The following EED variants were observed in gnomAD, a reference collection of about 807,000 sequenced individuals.
EED encodes polycomb protein EED.
A neutral mutation model predicts 61.0 loss-of-function variants in EED; 9 were observed. The ratio of observed to expected loss-of-function variants is 0.15; its 90% CI spans 0.09 to 0.26. EED has a LOEUF of 0.26. Among genes scored for constraint, EED ranks in the 10% least tolerant of loss-of-function variants. The pLI is 1.00. For missense variants in EED, 315 were observed against 542.3 expected, an observed-to-expected ratio of 0.58 and a Z score of 4.16; for synonymous variants, 187 against 174.4, an observed-to-expected ratio of 1.07 and a Z score of -0.57.
At chr11:86,246,113 T>C (rs1362276216) in intron 1 of EED, among the ~76,000 whole-genome samples, 1 of 152,218 alleles carries the variant, frequency 6.6e-6, no homozygotes, top group Non-Finnish European at 1.5e-5. Context: ...TGCAATCAGA[T>C]TTTTTTAAGC....
intron 10 of EED, chr11:86,277,379 G>T: frequency 3.1e-6 from 1 of 324,344 alleles, no homozygotes; most frequent in Admixed American, 4.6e-5. Context: ...GGTATCAATG[G>T]TGGAAATTAG....
chr11:86,262,668 A>T (rs1945863953), intron 6 of EED, among the ~76,000 whole-genome samples: 1 of 151,392 alleles, frequency 6.6e-6, no homozygotes, highest in African/African-American at 2.4e-5. Context: ...ATGCCACCAC[A>T]CCCCGCTAGT....
In EED at chr11:86,269,017, T is replaced by C. The variant is rs181064946; in HGVS notation, c.966+456T>C. ...ATTTATACAGATGCTCCTCAACTTATGATGGGATTACATCGTGATAAACCC... is the reference window on the plus strand; with the variant it reads ...ATTTATACAGATGCTCCTCAACTTACGATGGGATTACATCGTGATAAACCC... On this transcript the variant is annotated intron_variant, in intron 9 of 11. Transcript: ENST00000263360. Among the ~76,000 whole-genome samples the C allele has an allele frequency of 1.1e-4, 16 of 152,300 alleles. No homozygotes were observed. The East Asian group carries it at 1.5e-3, about 15-fold the overall frequency.
intron 3 of EED, among the ~76,000 whole-genome samples, chr11:86,253,353 G>C (rs1945583839): frequency 6.6e-6 from 1 of 152,122 alleles, no homozygotes; most frequent in African/African-American, 2.4e-5. Context: ...TTAAATTTGA[G>C]TCCACTTTTA....
At chr11:86,270,503 A>T (rs1297860574) in intron 9 of EED, among the ~76,000 whole-genome samples, 3 of 152,004 alleles carry the variant, frequency 2.0e-5, no homozygotes, top group Non-Finnish European at 4.4e-5. Flanking sequence ...CACAGAGCAA[A>T]TGTTTGTAGT....
chr11:86,286,232 G>A, the EED span, among the ~76,000 whole-genome samples: 2 of 151,688 alleles, frequency 1.3e-5, no homozygotes, highest in African/African-American at 4.8e-5. Context: ...GTAGAGACGG[G>A]GTTTCGCCAT....
At chr11:86,275,439 T>A (rs977330365) in intron 9 of EED, among the ~76,000 whole-genome samples, 1 of 152,202 alleles carries the variant, frequency 6.6e-6, no homozygotes, top group Admixed American at 6.5e-5. Context: ...GAAAAATAGA[T>A]TTCCTAGACC....
chr11:86,249,623 TTTAA>T (rs1468840389), intron 1 of EED, among the ~76,000 whole-genome samples: 4 of 152,208 alleles, frequency 2.6e-5, no homozygotes, highest in Admixed American at 6.5e-5. Context: ...AAGGATTTAC[TTTAA>T]TTGTGATTGA....
chr11:86,256,749 C>T (rs1046329368), intron 5 of EED, among the ~76,000 whole-genome samples: 1 of 152,042 alleles, frequency 6.6e-6, no homozygotes, highest in African/African-American at 2.4e-5. Flanking sequence ...AAATCATTTC[C>T]CTCTTTCACC....
downstream of EED, among the ~76,000 whole-genome samples, chr11:86,279,931 A>T (rs1946304072): frequency 6.6e-6 from 1 of 152,218 alleles, no homozygotes; most frequent in South Asian, 2.1e-4. Flanking sequence ...AAGACAAGGA[A>T]TACTGTCATA....
chr11:86,253,978 G>A (rs1945599639), intron 3 of EED, among the ~76,000 whole-genome samples: 1 of 145,988 alleles, frequency 6.8e-6, no homozygotes, highest in Admixed American at 7.0e-5. Flanking sequence ...AATCCGGGAG[G>A]CAGAGGTTGC....
chr11:86,248,430 G>A (rs1373650579), intron 1 of EED, among the ~76,000 whole-genome samples: 10 of 152,258 alleles, frequency 6.6e-5, no homozygotes, highest in Admixed American at 6.5e-4. Context: ...ATATAAAAAC[G>A]TCTTAGAGTT....
the EED span, among the ~76,000 whole-genome samples, chr11:86,285,546 T>G: frequency 6.6e-6 from 1 of 152,262 alleles, no homozygotes; most frequent in Non-Finnish European, 1.5e-5. Flanking sequence ...CCATTCTAAG[T>G]AAAGTAAAAT....
chr11:86,286,238 G>A, the EED span, among the ~76,000 whole-genome samples: 1 of 149,500 alleles, frequency 6.7e-6, no homozygotes, highest in Non-Finnish European at 1.5e-5. Flanking sequence ...ACGGGGTTTC[G>A]CCATGTTGGC....
At chr11:86,286,971 CAAAAAA>C in the EED span, among the ~76,000 whole-genome samples, 4 of 68,340 alleles carry the variant, frequency 5.9e-5, no homozygotes, top group South Asian at 6.6e-4. Flanking sequence ...GACTCCGTCT[CAAAAAA>C]AAAAAAAAAA....
chr11:86,270,121 G>GAGAT, intron 9 of EED: 5 of 700,946 alleles, frequency 7.1e-6, no homozygotes, highest in Non-Finnish European at 1.3e-5. Flanking sequence ...AGCAATGTAT[G>GAGAT]AGAGATCCAG....
Position 86,264,080 on chromosome 11 carries a change from AC to A in EED, c.635-91del. 3 of 958,862 alleles carry A rather than the reference AC, an allele frequency of 3.1e-6. No homozygotes were observed. In the South Asian group the frequency reaches 4.5e-5, roughly 14 times the overall value. 59.4% of individuals were successfully genotyped at this position (958,862 alleles called of 1,614,324 possible). A position where few individuals can be genotyped will look rare whatever the true frequency, so the allele number is the denominator to read the frequency against. The stretch of plus-strand genomic sequence containing the variant: ...TTTTAGGCTTTACTGTGCATAACTT[AC>A]ATCTAGACTTTAGTAGTTTTTCTTT... On this transcript the variant is annotated intron_variant, in intron 6 of 11. Coordinates refer to ENST00000263360, the MANE Select transcript of EED (RefSeq NM_003797.5).
intron 8 of EED, 49 bp downstream of exon 8, chr11:86,266,265 A>G (rs1021790756): frequency 7.5e-6 from 11 of 1,474,090 alleles, no homozygotes; most frequent in African/African-American, 4.3e-5. Flanking sequence ...GCTATTGAAT[A>G]TAAGTTTTAT....
chr11:86,245,386 T>C (rs1945367036), intron 1 of EED, 43 bp downstream of exon 1: 4 of 1,466,874 alleles, frequency 2.7e-6, no homozygotes, highest in Non-Finnish European at 2.8e-6. Flanking sequence ...GGAGTGAAAG[T>C]TTTAAATTCT....
Sources: allele counts gnomAD v4.1 joint callset (sites outside exome capture counted in the v4.1 genomes callset), GRCh38; gene constraint gnomAD v4.1.1; transcripts MANE v1.5; gene names NCBI Gene and HGNC (gene_info 2026-07-23, HGNC 2026-07-21).